The following KDM4C variants were observed in gnomAD, a reference collection of about 807,000 sequenced individuals.
KDM4C encodes the protein lysine demethylase 4C, also known as lysine-specific demethylase 4C.
Under a neutral mutation model 129.3 loss-of-function variants are expected in KDM4C, and 81 were observed. That is an observed-to-expected ratio of 0.63 (90% confidence interval 0.52 to 0.75). KDM4C has a LOEUF of 0.75. Among genes scored for constraint, KDM4C ranks in the 30% least tolerant of loss-of-function variants. KDM4C has a pLI of 0.00. For missense variants in KDM4C, 1,457 were observed against 1,304.0 expected, an observed-to-expected ratio of 1.12 and a Z score of -1.81; for synonymous variants, 573 against 456.1, an observed-to-expected ratio of 1.26 and a Z score of -3.26.
Position 7,049,143 on chromosome 9 carries a change from T to C in KDM4C, c.2367T>C (p.Asn789=), listed in dbSNP as rs1426658561. 6.2e-7 allele frequency: 1 copy of C among 1,612,600 alleles called. No homozygotes were observed. Among genetic ancestry groups the C allele is most frequent in the Non-Finnish European group, 8.5e-7 (1 of 1,179,010 alleles). ...CGGTCCCAGAAGTTCGATTCACTAA[T>C]GTCCCAGAAAGGACACAAATAGATG... ...AVAVPEVRFT[N]VPERTQIDVG... is the part of the protein sequence containing the mutation. The change falls in exon 17 of 22, where the codon AAT becomes AAC. Residue 789 remains asparagine (N), a synonymous_variant. Transcript: ENST00000381309.
upstream of KDM4C, chr9:6,757,833 A>G: frequency 1.0e-6 from 1 of 985,546 alleles, no homozygotes; most frequent in South Asian, 4.7e-5. Context: ...GCGCGCCAGC[A>G]AGCCTAAGTT....
intron 4 of KDM4C, among the ~76,000 whole-genome samples, chr9:6,849,007 A>G (rs1838356552): frequency 1.3e-5 from 2 of 152,236 alleles, no homozygotes; most frequent in South Asian, 4.1e-4. Context: ...GATTGAATGG[A>G]TAGGGATGGG....
At chr9:6,992,877 T>A (rs1001084572) in intron 12 of KDM4C, among the ~76,000 whole-genome samples, 14 of 152,226 alleles carry the variant, frequency 9.2e-5, no homozygotes, top group Non-Finnish European at 1.8e-4. Context: ...CATTTCTCTA[T>A]TGAAGCTGGA....
intron 8 of KDM4C, among the ~76,000 whole-genome samples, chr9:6,976,035 C>T (rs1271373360): frequency 6.6e-6 from 1 of 152,026 alleles, no homozygotes; most frequent in African/African-American, 2.4e-5. Context: ...GAGACCTTGT[C>T]TCAAAAATAA....
intron 3 of KDM4C, among the ~76,000 whole-genome samples, chr9:6,806,523 A>G (rs1829996620): frequency 6.6e-6 from 1 of 151,606 alleles, no homozygotes; most frequent in Non-Finnish European, 1.5e-5. Context: ...ATAAATAAAT[A>G]AATAAATAAA....
intron 19 of KDM4C, among the ~76,000 whole-genome samples, chr9:7,153,462 G>T (rs889516024): frequency 6.6e-6 from 1 of 152,150 alleles, no homozygotes; most frequent in Non-Finnish European, 1.5e-5. Context: ...ACACTGGGGG[G>T]TATTGAAAAC....
At chr9:6,810,458 C>T (rs1296858781) in intron 3 of KDM4C, among the ~76,000 whole-genome samples, 2 of 152,026 alleles carry the variant, frequency 1.3e-5, no homozygotes, top group East Asian at 3.9e-4. Flanking sequence ...ATATACATTT[C>T]TTGACATTCT....
chr9:7,167,213 GC>G (rs1212231668), intron 20 of KDM4C, among the ~76,000 whole-genome samples: 3 of 152,060 alleles, frequency 2.0e-5, no homozygotes, highest in Admixed American at 1.3e-4. Flanking sequence ...TAAAGAGAGG[GC>G]CAAAATTCTC....
intron 4 of KDM4C, among the ~76,000 whole-genome samples, chr9:6,820,933 A>T (rs916267160): frequency 7.3e-6 from 1 of 137,502 alleles, no homozygotes; most frequent in African/African-American, 2.8e-5. Flanking sequence ...AAGTGATCTC[A>T]TTGTTCAATT....
At chr9:6,800,050 A>C (rs1828637024) in intron 2 of KDM4C, among the ~76,000 whole-genome samples, 4 of 151,376 alleles carry the variant, frequency 2.6e-5, no homozygotes, top group Admixed American at 2.6e-4. Context: ...TAGCGAGACC[A>C]CATCTTTTCC....
chr9:6,817,931 G>T (rs1970110), intron 4 of KDM4C, among the ~76,000 whole-genome samples: 85,222 of 151,602 alleles, frequency 0.56, 24,514 homozygotes, highest in African/African-American at 0.69. Flanking sequence ...CATGCCCAGC[G>T]AATTTTTGTA....
intron 1 of KDM4C, among the ~76,000 whole-genome samples, chr9:6,772,850 C>T (rs1017199233): frequency 4.9e-5 from 7 of 143,972 alleles, no homozygotes; most frequent in Admixed American, 2.8e-4. Flanking sequence ...GTGCCACCCC[C>T]ATGCCTGGCC....
chr9:6,846,366 G>T (rs1837854246), intron 4 of KDM4C, among the ~76,000 whole-genome samples: 1 of 152,134 alleles, frequency 6.6e-6, no homozygotes, highest in African/African-American at 2.4e-5. Flanking sequence ...TGTGTATAGT[G>T]TAATGAGGTA....
At chr9:6,920,550 A>C (rs1235269569) in intron 8 of KDM4C, among the ~76,000 whole-genome samples, 1 of 141,196 alleles carries the variant, frequency 7.1e-6, no homozygotes, top group Non-Finnish European at 1.6e-5. Context: ...GCAACAGAAC[A>C]AGAAAAAAAA....
At chr9:6,855,485 A>G (rs904557232) in intron 5 of KDM4C, among the ~76,000 whole-genome samples, 39 of 148,810 alleles carry the variant, frequency 2.6e-4, no homozygotes, top group African/African-American at 9.2e-4. Flanking sequence ...AAAAAAAAAA[A>G]GGAACCCAAT....
At chr9:6,750,065 GA>G (rs1408644462) in intron 1 of KDM4C, among the ~76,000 whole-genome samples, 1 of 147,734 alleles carries the variant, frequency 6.8e-6, no homozygotes, top group Non-Finnish European at 1.5e-5. Flanking sequence ...AGGCCAAGAA[GA>G]AAATGTAAGG....
intron 15 of KDM4C, among the ~76,000 whole-genome samples, chr9:7,024,782 T>C (rs1043940601): frequency 1.3e-5 from 2 of 152,198 alleles, no homozygotes; most frequent in East Asian, 1.9e-4. Context: ...TGAATAGTGC[T>C]GCAATAAACA....
intron 17 of KDM4C, chr9:7,077,312 A>G: frequency 1.2e-6 from 1 of 830,154 alleles, no homozygotes; most frequent in Non-Finnish European, 1.5e-6. Context: ...ATTGCTTTGG[A>G]CATATAGTTG....
chr9:7,009,363 G>C (rs543215838), intron 12 of KDM4C, among the ~76,000 whole-genome samples: 1 of 152,152 alleles, frequency 6.6e-6, no homozygotes, highest in Non-Finnish European at 1.5e-5. Context: ...AAAATGGCAG[G>C]TAATTCAACC....
Sources: allele counts gnomAD v4.1 joint callset (sites outside exome capture counted in the v4.1 genomes callset), GRCh38; gene constraint gnomAD v4.1.1; transcripts MANE v1.5; gene names NCBI Gene and HGNC (gene_info 2026-07-23, HGNC 2026-07-21).